Variants in ZFPM1 observed in about 807,000 individuals in gnomAD.
The protein encoded by ZFPM1 is zinc finger protein, FOG family member 1, also known as zinc finger protein ZFPM1.
In ZFPM1, 28 loss-of-function variants were observed where a neutral mutation model predicts 46.3. The observed-to-expected ratio is 0.60, with a 90% CI of 0.45 to 0.83. The LOEUF is 0.83. ZFPM1 is among the 40% of genes least tolerant of loss of function. The probability of loss-of-function intolerance (pLI) is 0.00; values close to 1 mark genes in which losing one functional copy is unlikely to be tolerated. For synonymous variants in ZFPM1, 957 were observed against 675.9 expected (o/e 1.42, Z -6.45); for missense variants, 1,878 against 1,432.4 (o/e 1.31, Z -5.02).
In ZFPM1 at chr16:88,531,963, T is replaced by C. The variant is rs199967731; in HGVS notation, c.713-39T>C. On this transcript the variant is annotated intron_variant, in intron 6 of 9. Coordinates refer to ENST00000319555, the MANE Select transcript of ZFPM1 (RefSeq NM_153813.3). ...CACAGCCTTGCCCTGGCTGGCAGGC[T>C]GGCCTTCAGCCTGACCCCGCCTGCT... The C allele has an allele frequency of 4.5e-6, 7 of 1,547,552 alleles. No individual in the cohort carries two copies. In the East Asian group the frequency reaches 1.4e-4, roughly 30 times the overall value.
intron 6 of ZFPM1, among the ~76,000 whole-genome samples, chr16:88,531,579 A>C (rs1199165053): frequency 1.3e-5 from 2 of 151,710 alleles, no homozygotes; most frequent in African/African-American, 4.9e-5. Context: ...GCAGCCTGGC[A>C]CTCCCACGCA....
intron 3 of ZFPM1, among the ~76,000 whole-genome samples, chr16:88,494,255 C>G (rs954562553): frequency 2.0e-5 from 3 of 152,090 alleles, no homozygotes; most frequent in Admixed American, 6.5e-5. Flanking sequence ...AAGAGGCGGC[C>G]GAGCAGGGGC....
At chr16:88,523,976 G>A (rs958650594) in intron 4 of ZFPM1, among the ~76,000 whole-genome samples, 1 of 152,228 alleles carries the variant, frequency 6.6e-6, no homozygotes, top group Non-Finnish European at 1.5e-5. Context: ...TCGGGGGTGC[G>A]TGCAGCGTCA....
In ZFPM1 at chr16:88,534,867, A is replaced by G. The variant is rs755671167; in HGVS notation, c.2909A>G (p.Asn970Ser). ...PSKGTPAPLPNGNHRYCRLCN... is the reference protein window; with the variant it reads ...PSKGTPAPLPSGNHRYCRLCN... Reference sequence around the variant, plus strand: ...AAGGGCACGCCGGCGCCGCTGCCCAACGGCAACCACCGGTACTGCCGTCTT... The same window carrying G: ...AAGGGCACGCCGGCGCCGCTGCCCAGCGGCAACCACCGGTACTGCCGTCTT... Residue 970 changes from asparagine (N) to serine (S), a missense_variant, in exon 10 of 10, where the codon AAC becomes AGC. Transcript: ENST00000319555. The G allele has an allele frequency of 3.2e-6, 5 of 1,567,186 alleles. No individual in the cohort carries two copies. Among genetic ancestry groups the G allele is most frequent in the African/African-American group, 2.8e-5 (2 of 71,350 alleles).
chr16:88,518,341 G>C (rs1039161642), intron 4 of ZFPM1, among the ~76,000 whole-genome samples: 1 of 151,488 alleles, frequency 6.6e-6, no homozygotes, highest in Admixed American at 6.6e-5. Flanking sequence ...GGATGAGTGG[G>C]TGGGTGGATA....
intron 1 of ZFPM1, among the ~76,000 whole-genome samples, chr16:88,460,240 G>A (rs575740741): frequency 6.6e-6 from 1 of 152,324 alleles, no homozygotes; most frequent in East Asian, 1.9e-4. Context: ...CCAAGCGAGA[G>A]GCCCAGGGTT....
In ZFPM1 at chr16:88,480,772, A is replaced by G; in HGVS notation, c.41-5167A>G. On this transcript the variant is annotated intron_variant, in intron 1 of 9. Transcript: ENST00000319555. This position sits in a 1 kb window ranked among gnomAD's most constrained non-coding sequence, Gnocchi z 4.9. ...CTCAGACTCCTCATCCACAGCCCCCATCTGCGCCCCACCTGGCATGTCCAC... is the reference window on the plus strand; with the variant it reads ...CTCAGACTCCTCATCCACAGCCCCCGTCTGCGCCCCACCTGGCATGTCCAC... Among the ~76,000 whole-genome samples, 1 of 152,082 alleles carries G rather than the reference A, an allele frequency of 6.6e-6. No homozygotes were observed. Among genetic ancestry groups the G allele is most frequent in the Non-Finnish European group, 1.5e-5 (1 of 67,988 alleles).
At chr16:88,484,448 A>T (rs767557639) in intron 1 of ZFPM1, among the ~76,000 whole-genome samples, 2 of 152,054 alleles carry the variant, frequency 1.3e-5, no homozygotes, top group Non-Finnish European at 2.9e-5. Flanking sequence ...CTCCCCTGAC[A>T]CGTGAACTCA....
intron 1 of ZFPM1, among the ~76,000 whole-genome samples, chr16:88,454,061 T>C (rs1028548466): frequency 4.6e-5 from 7 of 152,224 alleles, no homozygotes; most frequent in Non-Finnish European, 7.4e-5. Flanking sequence ...GCAAGTCCCG[T>C]CCTGATAAGA....
intron 3 of ZFPM1, among the ~76,000 whole-genome samples, chr16:88,490,978 G>A (rs1909532658): frequency 6.6e-6 from 1 of 151,138 alleles, no homozygotes; most frequent in Admixed American, 6.6e-5. Flanking sequence ...GCAGGCCCAG[G>A]ACACACCTGT....
intron 1 of ZFPM1, among the ~76,000 whole-genome samples, chr16:88,483,151 G>T (rs149752466): frequency 3.9e-5 from 6 of 152,110 alleles, no homozygotes; most frequent in Non-Finnish European, 8.8e-5. Flanking sequence ...TATAATTACA[G>T]CTCTGAGGTG....
In ZFPM1 at chr16:88,526,757, C is replaced by A. The variant is rs7187787; in HGVS notation, c.403-57C>A. ...CAGATGCCCCACATACTCACGGGAA[C>A]CCCCAGGCAGGCTGCTGACGGACCC... is the stretch of plus-strand genomic sequence containing the variant. On this transcript the variant is annotated intron_variant, in intron 4 of 9. Transcript: ENST00000319555. 7.3e-5 allele frequency: 111 copies of A among 1,520,848 alleles called. 1 individual carries two copies. The African/African-American group carries it at 1.3e-3, about 18-fold the overall frequency. The allele number at this position is 1,520,848 out of a possible 1,614,324, so 94.2% of individuals were successfully genotyped here. A position where few individuals can be genotyped will look rare whatever the true frequency, so the allele number is the denominator to read the frequency against.
At chr16:88,490,343 C>T (rs867120444) in intron 3 of ZFPM1, among the ~76,000 whole-genome samples, 8 of 152,334 alleles carry the variant, frequency 5.3e-5, no homozygotes, top group Middle Eastern at 3.4e-3. Context: ...TGAGCCACCA[C>T]GCCCGGCAGC....
At chr16:88,500,210 G>C (rs1479953590) in intron 3 of ZFPM1, among the ~76,000 whole-genome samples, 1 of 147,420 alleles carries the variant, frequency 6.8e-6, no homozygotes, top group East Asian at 2.2e-4. Flanking sequence ...AGGCCCACCA[G>C]AGTCACCTGG....
chr16:88,515,321 C>T (rs1242258156), intron 4 of ZFPM1, among the ~76,000 whole-genome samples: 1 of 152,170 alleles, frequency 6.6e-6, no homozygotes, highest in Non-Finnish European at 1.5e-5. Flanking sequence ...GAAGCTGGCC[C>T]AGGACAGAGG....
chr16:88,521,762 C>T (rs1231587543), intron 4 of ZFPM1, among the ~76,000 whole-genome samples: 1 of 140,860 alleles, frequency 7.1e-6, no homozygotes, highest in African/African-American at 2.8e-5. Flanking sequence ...GCTGTTCCCT[C>T]CCCTGTGCTG....
chr16:88,453,756 C>T (rs1327179674), intron 1 of ZFPM1, 78 bp downstream of exon 1: 2 of 900,086 alleles, frequency 2.2e-6, no homozygotes, highest in African/African-American at 1.8e-5. Context: ...CGCCCCCGCC[C>T]GTCCCCGCTC....
chr16:88,505,352 C>T (rs1910590705), intron 3 of ZFPM1, among the ~76,000 whole-genome samples: 1 of 152,230 alleles, frequency 6.6e-6, no homozygotes, highest in African/African-American at 2.4e-5. Context: ...GGTCTTCTCC[C>T]AGGCGGTGGT....
chr16:88,493,985 C>T (rs1909779013), intron 3 of ZFPM1, among the ~76,000 whole-genome samples: 1 of 152,174 alleles, frequency 6.6e-6, no homozygotes. Flanking sequence ...AGGCAGGCCG[C>T]CTGACCCCTC....
Sources: allele counts gnomAD v4.1 joint callset (sites outside exome capture counted in the v4.1 genomes callset), GRCh38; gene constraint gnomAD v4.1.1; non-coding constraint Gnocchi (gnomAD v3.1); transcripts MANE v1.5; gene names NCBI Gene and HGNC (gene_info 2026-07-23, HGNC 2026-07-21).